RAB38: variants seen among roughly 807,000 people sequenced by gnomAD.
RAB38 encodes the protein RAB38, member RAS oncogene family.
RAB38 carries 15 observed loss-of-function variants against 18.4 expected under a neutral mutation model. That is an observed-to-expected ratio of 0.82 (90% CI 0.55 to 1.26). The LOEUF (loss-of-function observed/expected upper bound fraction) is 1.26. Among genes scored for constraint, RAB38 ranks in the 50% most tolerant of loss-of-function variants. RAB38 has a pLI of 0.00. For synonymous variants in RAB38, 101 were observed against 104.4 expected, an observed-to-expected ratio of 0.97 and a Z score of 0.20; for missense variants, 294 against 267.4, an observed-to-expected ratio of 1.10 and a Z score of -0.69.
the RAB38 span, among the ~76,000 whole-genome samples, chr11:88,045,864 T>C: frequency 1.1e-4 from 16 of 152,160 alleles, no homozygotes; most frequent in Non-Finnish European, 1.9e-4. Flanking sequence ...CTCTTAAAAC[T>C]CCCCAACTCT....
the RAB38 span, among the ~76,000 whole-genome samples, chr11:88,022,611 C>CAAAAAAAAAAAAAAA: frequency 5.8e-5 from 3 of 52,088 alleles, no homozygotes; most frequent in South Asian, 1.0e-3. Flanking sequence ...AAAGACCCCA[C>CAAAAAAAAAAAAAAA]AAAAAAAAAA....
the RAB38 span, among the ~76,000 whole-genome samples, chr11:88,093,720 C>T: frequency 6.6e-6 from 1 of 151,836 alleles, no homozygotes; most frequent in Non-Finnish European, 1.5e-5. Context: ...CAACTACTTA[C>T]AGTAAAAAGC....
the RAB38 span, among the ~76,000 whole-genome samples, chr11:87,947,487 G>A: frequency 6.6e-6 from 1 of 152,166 alleles, no homozygotes; most frequent in East Asian, 1.9e-4. Flanking sequence ...GAATGGTATT[G>A]CCTAGGGTTT....
the RAB38 span, among the ~76,000 whole-genome samples, chr11:88,015,698 C>CA: frequency 6.6e-6 from 1 of 152,134 alleles, no homozygotes; most frequent in Non-Finnish European, 1.5e-5. Flanking sequence ...GTAAAGACAG[C>CA]ACCCAGTCAT....
At chr11:88,036,346 G>A in the RAB38 span, among the ~76,000 whole-genome samples, 12 of 152,098 alleles carry the variant, frequency 7.9e-5, no homozygotes, top group Non-Finnish European at 1.0e-4. Context: ...TATACTTATC[G>A]CTACCAGAGT....
chr11:88,033,567 T>C, the RAB38 span, among the ~76,000 whole-genome samples: 2,071 of 152,172 alleles, frequency 0.014, 19 homozygotes, highest in Non-Finnish European at 0.019. Flanking sequence ...GGTTTCTCCA[T>C]GAAAAATTGA....
the RAB38 span, among the ~76,000 whole-genome samples, chr11:87,849,110 A>G: frequency 9.9e-5 from 15 of 152,214 alleles, no homozygotes; most frequent in African/African-American, 3.4e-4. Flanking sequence ...CCTGATAAAC[A>G]TGACTTTCGC....
At chr11:87,823,886 TATATA>T in the RAB38 span, among the ~76,000 whole-genome samples, 11 of 152,316 alleles carry the variant, frequency 7.2e-5, no homozygotes, top group South Asian at 1.2e-3. Flanking sequence ...AAGTACATAT[TATATA>T]ATATCATAGA....
chr11:87,852,189 G>T, the RAB38 span, among the ~76,000 whole-genome samples: 2 of 151,998 alleles, frequency 1.3e-5, no homozygotes, highest in Admixed American at 1.3e-4. Context: ...TCACATGAAG[G>T]TTTTATGACC....
chr11:87,817,950 A>T, the RAB38 span, among the ~76,000 whole-genome samples: 1 of 152,186 alleles, frequency 6.6e-6, no homozygotes, highest in Non-Finnish European at 1.5e-5. Context: ...GTGAGAAGTG[A>T]TACTAGAAAA....
chr11:88,125,914 A>G lies in RAB38; in HGVS notation c.484-11774T>C, dbSNP rs552643952. 5.9e-5 allele frequency among the ~76,000 whole-genome samples: 9 copies of G among 152,344 alleles called. No homozygotes were observed. In the East Asian group the frequency reaches 1.7e-3, roughly 29 times the overall value. On this transcript the variant is annotated intron_variant, in intron 2 of 2. Transcript: ENST00000243662. ...TGTATAAGGTGTAAGGAAGGGATCCAGTTTCATCTTTCTACATATGGCTAG... is the reference window on the plus strand; with the variant it reads ...TGTATAAGGTGTAAGGAAGGGATCCGGTTTCATCTTTCTACATATGGCTAG...
intron 2 of RAB38, among the ~76,000 whole-genome samples, chr11:88,116,412 T>G (rs1440839438): frequency 6.6e-6 from 1 of 152,248 alleles, no homozygotes; most frequent in Non-Finnish European, 1.5e-5. Context: ...GTTTGTGTGT[T>G]GGAGAAGGAG....
At chr11:88,014,349 C>G in the RAB38 span, among the ~76,000 whole-genome samples, 5 of 152,082 alleles carry the variant, frequency 3.3e-5, no homozygotes, top group Non-Finnish European at 7.4e-5. Context: ...CATAGTGTCC[C>G]TTATCTGTAT....
chr11:88,124,879 T>C (rs763352033), intron 2 of RAB38, among the ~76,000 whole-genome samples: 1 of 152,252 alleles, frequency 6.6e-6, no homozygotes, highest in Non-Finnish European at 1.5e-5. Context: ...TTGAGCACTT[T>C]TCATGGACCA....
At chr11:88,020,422 G>A in the RAB38 span, among the ~76,000 whole-genome samples, 15 of 152,070 alleles carry the variant, frequency 9.9e-5, no homozygotes, top group Admixed American at 3.9e-4. Flanking sequence ...ACATTTATAC[G>A]CTCCCAACAC....
At chr11:87,898,366 C>G in the RAB38 span, among the ~76,000 whole-genome samples, 7 of 151,666 alleles carry the variant, frequency 4.6e-5, no homozygotes, top group Admixed American at 4.6e-4. Flanking sequence ...AGATCCCAAA[C>G]CAATCATCTC....
At chr11:88,018,662 A>G in the RAB38 span, among the ~76,000 whole-genome samples, 17 of 152,308 alleles carry the variant, frequency 1.1e-4, no homozygotes, top group South Asian at 3.5e-3. Context: ...TGCAGCTACC[A>G]AAATCTATCA....
At chr11:88,094,077 A>G in the RAB38 span, among the ~76,000 whole-genome samples, 1 of 151,796 alleles carries the variant, frequency 6.6e-6, no homozygotes, top group Non-Finnish European at 1.5e-5. Context: ...CATTTTACAC[A>G]TGTTGACAGC....
chr11:88,153,431 A>C (rs751992586), intron 1 of RAB38, among the ~76,000 whole-genome samples: 57 of 152,206 alleles, frequency 3.7e-4, no homozygotes, highest in Non-Finnish European at 7.2e-4. Flanking sequence ...AAGAGGCTCC[A>C]GTATCCAACT....
Sources: gnomAD v4.1 joint callset for allele counts (sites outside exome capture counted in the v4.1 genomes callset) on GRCh38, gnomAD v4.1.1 for gene constraint, MANE v1.5 for transcripts, NCBI Gene and HGNC (gene_info 2026-07-23, HGNC 2026-07-21) for gene names.